Variants in CD6 observed in about 807,000 individuals in gnomAD.
The protein encoded by CD6 is CD6 molecule, also known as T-cell differentiation antigen CD6.
In CD6, 53 loss-of-function variants were observed where a neutral mutation model predicts 75.3. The observed-to-expected ratio is 0.70, with a 90% CI of 0.56 to 0.88. CD6 has a LOEUF of 0.88. Among genes scored for constraint, CD6 ranks in the 40% least tolerant of loss-of-function variants. CD6 has a pLI of 0.00. For synonymous variants in CD6, 359 were observed against 381.5 expected (o/e 0.94, Z 0.69); for missense variants, 770 against 897.1 (o/e 0.86, Z 1.81).
intron 1 of CD6, among the ~76,000 whole-genome samples, chr11:61,001,730 T>C (rs1858595040): frequency 6.6e-6 from 1 of 152,204 alleles, no homozygotes; most frequent in African/African-American, 2.4e-5. Context: ...TCCCCCTATC[T>C]TCCATGGCTG....
chr11:61,006,645 G>A lies in CD6; in HGVS notation c.118+3G>A. On this transcript the variant is annotated splice_donor_region_variant and intron_variant, in intron 2 of 12. Coordinates refer to ENST00000313421, the MANE Select transcript of CD6 (RefSeq NM_006725.5). The stretch of plus-strand genomic sequence containing the variant: ...AGAGAGTGAGCTCTGGGAGCCAGGT[G>A]AGCAAACATTCCCTCTGGGGGTCCA... 8.1e-6 allele frequency: 13 copies of A among 1,605,780 alleles called. No individual in the cohort carries two copies. The highest frequency in any genetic ancestry group is 1.0e-5 in the Non-Finnish European group (12 of 1,176,024).
intron 1 of CD6, among the ~76,000 whole-genome samples, chr11:60,975,725 G>A (rs1413450098): frequency 1.3e-5 from 2 of 152,160 alleles, no homozygotes; most frequent in Non-Finnish European, 2.9e-5. Flanking sequence ...GTTTGAGCCC[G>A]GGAGTTTGAG....
intron 1 of CD6, among the ~76,000 whole-genome samples, chr11:60,986,752 G>A (rs951599605): frequency 3.3e-5 from 5 of 152,130 alleles, no homozygotes; most frequent in African/African-American, 4.8e-5. Flanking sequence ...CTTCTGCCCC[G>A]GAGGCAGCTT....
Position 61,020,237 on chromosome 11 carries a change from G to A in CD6, c.*919G>A, listed in dbSNP as rs1272782286. On this transcript the variant is annotated 3_prime_UTR_variant, in exon 13 of 13. Transcript: ENST00000313421. ...CTTGAATTGATGAGGATGCTCCTGGGAGGGATGCGTGACTATGTGGTGTTG... is the reference window on the plus strand; with the variant it reads ...CTTGAATTGATGAGGATGCTCCTGGAAGGGATGCGTGACTATGTGGTGTTG... 2.5e-6 allele frequency: 1 copy of A among 398,926 alleles called. No homozygotes were observed. The highest frequency in any genetic ancestry group is 4.4e-5 in the Admixed American group (1 of 22,726). The allele number at this position is 398,926 out of a possible 1,614,324, so 24.7% of individuals were successfully genotyped here. A position where few individuals can be genotyped will look rare whatever the true frequency, so the allele number is the denominator to read the frequency against.
intron 1 of CD6, among the ~76,000 whole-genome samples, chr11:60,972,341 CCAAT>C (rs1857217565): frequency 6.6e-6 from 1 of 152,210 alleles, no homozygotes; most frequent in African/African-American, 2.4e-5. Context: ...CAGGCGTAGG[CCAAT>C]CACAGGAGAG....
intron 1 of CD6, among the ~76,000 whole-genome samples, chr11:60,995,006 A>G (rs888893729): frequency 1.3e-5 from 2 of 152,188 alleles, no homozygotes; most frequent in Non-Finnish European, 2.9e-5. Context: ...GTTTCTTGAC[A>G]AAGTAAACTC....
chr11:60,972,298 C>T (rs1012354588), intron 1 of CD6, among the ~76,000 whole-genome samples: 1 of 152,180 alleles, frequency 6.6e-6, no homozygotes, highest in African/African-American at 2.4e-5. Context: ...GATGGTGGTA[C>T]TTTCAACGCC....
chr11:61,019,138 C>A, intron 12 of CD6, 116 bp from the exon 13 acceptor site: 1 of 698,184 alleles, frequency 1.4e-6, no homozygotes, highest in East Asian at 2.7e-5. Context: ...GATCAGATGG[C>A]TTCATGCAGC....
chr11:60,996,633 G>T (rs1363289969), intron 1 of CD6, among the ~76,000 whole-genome samples: 3 of 152,168 alleles, frequency 2.0e-5, no homozygotes, highest in Non-Finnish European at 4.4e-5. Context: ...ACGGTGGTCT[G>T]CAGGTTAGCA....
At chr11:60,977,532 C>CATAG (rs999172395) in intron 1 of CD6, among the ~76,000 whole-genome samples, 1 of 152,264 alleles carries the variant, frequency 6.6e-6, no homozygotes, top group Non-Finnish European at 1.5e-5. Flanking sequence ...AGTTATCCAG[C>CATAG]ATAGCTCTTC....
chr11:61,014,561 C>G (rs1437178914), intron 8 of CD6, among the ~76,000 whole-genome samples: 5 of 151,976 alleles, frequency 3.3e-5, no homozygotes, highest in Non-Finnish European at 4.4e-5. Flanking sequence ...ATGGTGAAAC[C>G]CTGTCTCTAC....
chr11:61,001,198 C>CTTTTTTTTT (rs143567183), intron 1 of CD6, among the ~76,000 whole-genome samples: 1 of 110,354 alleles, frequency 9.1e-6, no homozygotes. Context: ...GATGATGTGT[C>CTTTTTTTTT]TTTTTTTTTT....
At chr11:60,974,732 G>C (rs1022267276) in intron 1 of CD6, among the ~76,000 whole-genome samples, 1 of 152,182 alleles carries the variant, frequency 6.6e-6, no homozygotes, top group East Asian at 1.9e-4. Context: ...AATGAATTAG[G>C]AGCCCTTGAC....
At chr11:60,972,486 G>T (rs551200664) in intron 1 of CD6, among the ~76,000 whole-genome samples, 5 of 152,300 alleles carry the variant, frequency 3.3e-5, no homozygotes, top group African/African-American at 1.2e-4. Flanking sequence ...GTCTCAAGCT[G>T]CCCCCAAGTG....
chr11:60,980,843 A>ATAATTAAT (rs1330906148), intron 1 of CD6, among the ~76,000 whole-genome samples: 3 of 152,128 alleles, frequency 2.0e-5, no homozygotes, highest in Non-Finnish European at 4.4e-5. Context: ...CTGTTTCAAA[A>ATAATTAAT]TAATTAATTA....
intron 1 of CD6, among the ~76,000 whole-genome samples, chr11:61,005,802 A>C (rs1424639484): frequency 1.3e-5 from 2 of 152,110 alleles, no homozygotes; most frequent in East Asian, 3.9e-4. Flanking sequence ...GTGGTGGCGC[A>C]TGCCTGTAAT....
chr11:61,009,615 G>C lies in CD6; in HGVS notation c.825G>C (p.Glu275Asp). 6.2e-7 allele frequency: 1 copy of C among 1,613,102 alleles called. No homozygotes were observed. The highest frequency in any genetic ancestry group is 8.5e-7 in the Non-Finnish European group (1 of 1,179,732). Residue 275 changes from glutamate (E) to aspartate (D), a missense_variant, in exon 5 of 13, where the codon GAG (glutamate) becomes GAC (aspartate). Coordinates refer to ENST00000313421, the MANE Select transcript of CD6 (RefSeq NM_006725.5). ...WRLTGGADRC[E>D]GQVEVHFRGV... ...TGACAGGGGGCGCTGACCGCTGCGA[G>C]GGGCAGGTGGAGGTACACTTCCGAG...
intron 1 of CD6, among the ~76,000 whole-genome samples, chr11:60,975,336 T>C (rs1452727686): frequency 1.3e-5 from 2 of 152,212 alleles, no homozygotes; most frequent in African/African-American, 4.8e-5. Context: ...TTGAGATGTG[T>C]AAAGTGTAAA....
intron 1 of CD6, among the ~76,000 whole-genome samples, chr11:60,975,861 A>T (rs1857343531): frequency 6.6e-6 from 1 of 152,242 alleles, no homozygotes; most frequent in East Asian, 1.9e-4. Context: ...CGTAACTTGC[A>T]TCATATTTAT....
Sources: allele counts gnomAD v4.1 joint callset (sites outside exome capture counted in the v4.1 genomes callset), GRCh38; gene constraint gnomAD v4.1.1; transcripts MANE v1.5; gene names NCBI Gene and HGNC (gene_info 2026-07-23, HGNC 2026-07-21).